The following ECT2 variants were observed in gnomAD, a reference collection of about 807,000 sequenced individuals.
ECT2 encodes epithelial cell transforming 2, also known as protein ECT2.
Under a neutral mutation model 116.9 loss-of-function variants are expected in ECT2, and 61 were observed. That is an observed-to-expected ratio of 0.52 (90% CI 0.42 to 0.65). ECT2 has a LOEUF of 0.65. Ranked by LOEUF, ECT2 falls within the 30% of genes least tolerant of loss-of-function variation. The probability of loss-of-function intolerance (pLI) is 0.00; values close to 1 mark genes in which losing one functional copy is unlikely to be tolerated. For synonymous variants in ECT2, 358 were observed against 346.4 expected (o/e 1.03, Z -0.37); for missense variants, 937 against 1,078.7 (o/e 0.87, Z 1.84).
intron 7 of ECT2, among the ~76,000 whole-genome samples, chr3:172,760,743 C>G (rs1256925191): frequency 1.0e-5 from 1 of 96,770 alleles, no homozygotes; most frequent in Non-Finnish European, 1.9e-5. Flanking sequence ...TTTTTTGAGA[C>G]TGAGTCTCTC....
At chr3:172,771,033 C>T (rs769750787) in intron 13 of ECT2, among the ~76,000 whole-genome samples, 1 of 152,032 alleles carries the variant, frequency 6.6e-6, no homozygotes, top group Non-Finnish European at 1.5e-5. Flanking sequence ...AGGTAATGAT[C>T]GAAGTGAACT....
At chr3:172,827,182 A>C in the ECT2 span, among the ~76,000 whole-genome samples, 2 of 152,316 alleles carry the variant, frequency 1.3e-5, no homozygotes, top group Middle Eastern at 3.4e-3. Flanking sequence ...TATATTGTTG[A>C]TGGGAATGTG....
intron 22 of ECT2, among the ~76,000 whole-genome samples, chr3:172,811,802 T>C (rs1382958746): frequency 6.6e-6 from 1 of 152,176 alleles, no homozygotes; most frequent in Non-Finnish European, 1.5e-5. Context: ...TGATTTTTAC[T>C]GTCTATTAAA....
intron 18 of ECT2, among the ~76,000 whole-genome samples, chr3:172,788,393 T>C (rs999207621): frequency 6.6e-6 from 1 of 152,214 alleles, no homozygotes; most frequent in Non-Finnish European, 1.5e-5. Flanking sequence ...ACTACACATA[T>C]TTAAAATATA....
chr3:172,815,689 C>T lies in ECT2; in HGVS notation c.2486C>T (p.Ala829Val). The T allele has an allele frequency of 6.3e-7, 1 of 1,598,066 alleles. No individual in the cohort carries two copies. The highest frequency in any genetic ancestry group is 1.7e-5 in the Admixed American group (1 of 57,280). The change falls in exon 23 of 25, where the codon GCA (alanine) becomes GTA (valine). Residue 829 changes from alanine (A) to valine (V), a missense_variant. Ala to Val is a moderately conservative substitution (Grantham distance 64). Transcript: ENST00000392692. Reference protein sequence around the residue: ...MDSTLSRASRAIKKTSKKVTR... With the variant: ...MDSTLSRASRVIKKTSKKVTR... ...AGTACATTGAGTAGAGCATCAAGAG[C>T]AATAAAAAAGACTTCAAAAAAGGTG...
intron 1 of ECT2, among the ~76,000 whole-genome samples, chr3:172,752,751 C>T (rs1716147730): frequency 1.3e-5 from 2 of 152,114 alleles, no homozygotes; most frequent in African/African-American, 4.8e-5. Context: ...GTTTGTTGTT[C>T]ACTTTAAGAC....
At chr3:172,805,945 G>T in intron 21 of ECT2, 76 bp downstream of exon 21, 1 of 1,500,742 alleles carries the variant, frequency 6.7e-7, no homozygotes, top group South Asian at 1.3e-5. Context: ...CTCCATTTTG[G>T]CTTTTTTAAA....
chr3:172,754,622 A>G lies in ECT2; in HGVS notation c.92A>G (p.Lys31Arg), dbSNP rs1399492276. The G allele has an allele frequency of 1.9e-6, 3 of 1,611,934 alleles. No individual in the cohort carries two copies. The highest frequency in any genetic ancestry group is 2.2e-5 in the East Asian group (1 of 44,762). The change falls in exon 2 of 25, where the codon AAG becomes AGG. Residue 31 changes from lysine to arginine, a missense_variant. By Grantham distance (26) the Lys-to-Arg change is conservative. Transcript: ENST00000392692. Reference protein sequence around the residue: ...IFDSKVTEISKENLLIGSTSY... With the variant: ...IFDSKVTEISRENLLIGSTSY... Reference sequence around the variant, plus strand: ...GATTCTAAAGTTACTGAGATTTCCAAGGAAAACTTACTTATTGGATCTACT... The same window carrying G: ...GATTCTAAAGTTACTGAGATTTCCAGGGAAAACTTACTTATTGGATCTACT...
At chr3:172,753,288 G>A (rs1419559433) in intron 1 of ECT2, among the ~76,000 whole-genome samples, 2 of 152,126 alleles carry the variant, frequency 1.3e-5, no homozygotes, top group African/African-American at 2.4e-5. Flanking sequence ...TGTAGAGATG[G>A]GGTCTTGCTA....
rs775825627 is a variant in ECT2 at position 172,802,946 on chromosome 3, A to G, written c.2072A>G (p.Gln691Arg). Residue 691 changes from glutamine (Q) to arginine (R), a missense_variant, in exon 20 of 25, where the codon CAA becomes CGA. Physicochemically the swap from Gln to Arg is conservative, Grantham distance 43 (BLOSUM62 1). Transcript: ENST00000392692. ...GAGCACCCCTGTGACAGAGGAGAAC[A>G]AGTAACTCTCTTCCTCTTCAATGAT... ...LGEHPCDRGE[Q>R]VTLFLFNDCL... is the part of the protein sequence containing the mutation. The G allele has an allele frequency of 1.9e-6, 3 of 1,613,014 alleles. No homozygotes were observed. The highest frequency in any genetic ancestry group is 2.5e-6 in the Non-Finnish European group (3 of 1,179,448).
intron 5 of ECT2, among the ~76,000 whole-genome samples, chr3:172,758,037 T>G (rs189332738): frequency 7.4e-4 from 112 of 152,220 alleles, no homozygotes; most frequent in Admixed American, 1.9e-3. Context: ...TTTTTCTATT[T>G]TTAGTAGAGA....
At chr3:172,758,068 C>T (rs552489286) in intron 5 of ECT2, among the ~76,000 whole-genome samples, 55 of 152,224 alleles carry the variant, frequency 3.6e-4, no homozygotes, top group Admixed American at 1.0e-3. Context: ...CCATGTTGGC[C>T]AGGCTGGTCT....
intron 1 of ECT2, among the ~76,000 whole-genome samples, chr3:172,751,427 G>A (rs1025806343): frequency 6.6e-6 from 1 of 152,196 alleles, no homozygotes; most frequent in Admixed American, 6.5e-5. Flanking sequence ...TGACTTAGGG[G>A]AAGTTGCTTA....
chr3:172,827,280 A>G, the ECT2 span, among the ~76,000 whole-genome samples: 1 of 152,232 alleles, frequency 6.6e-6, no homozygotes, highest in Non-Finnish European at 1.5e-5. Flanking sequence ...ACTGCTGGGT[A>G]TATATTTAAA....
chr3:172,768,429 A>T (rs1719948823), intron 12 of ECT2, among the ~76,000 whole-genome samples: 1 of 152,188 alleles, frequency 6.6e-6, no homozygotes, highest in South Asian at 2.1e-4. Context: ...TGTATTTTTA[A>T]TATCTATACT....
At chr3:172,785,709 A>AT (rs1723491670) in intron 17 of ECT2, among the ~76,000 whole-genome samples, 1 of 152,080 alleles carries the variant, frequency 6.6e-6, no homozygotes, top group Non-Finnish European at 1.5e-5. Context: ...AAATCTGACA[A>AT]TTTTTTTGTT....
chr3:172,750,748 A>C lies in ECT2; in HGVS notation c.-132A>C, dbSNP rs961313075. On this transcript the variant is annotated 5_prime_UTR_variant, in exon 1 of 25. Transcript: ENST00000392692. ...GCCAATCGGCATGGCTCTTAGAGAG[A>C]GCAGCTTAGTTTTTGAATCGGTTGT... The C allele has an allele frequency of 6.5e-6, 1 of 152,690 alleles. No individual in the cohort carries two copies. Among genetic ancestry groups the C allele is most frequent in the South Asian group, 2.1e-4 (1 of 4,840 alleles). 9.5% of individuals were successfully genotyped at this position (152,690 alleles called of 1,614,324 possible).
rs779027185 is a variant in ECT2 at position 172,783,826 on chromosome 3, C to T, written c.1645C>T (p.Pro549Ser). Residue 549 changes from proline (P) to serine (S), a missense_variant, in exon 16 of 25, where the codon CCC becomes TCC. Coordinates refer to ENST00000392692, the MANE Select transcript of ECT2 (RefSeq NM_001258315.2). ...AAAAGATTTGGTAAAAACCTACCCT[C>T]CCTTTGTAAACTTCTTTGAAATGAG... is the stretch of plus-strand genomic sequence containing the variant. ...YSKDLVKTYP[P>S]FVNFFEMSKE... 2 of 1,604,362 alleles carry T rather than the reference C, an allele frequency of 1.2e-6. No individual in the cohort carries two copies. The highest frequency in any genetic ancestry group is 8.5e-7 in the Non-Finnish European group (1 of 1,175,792).
chr3:172,755,306 C>T lies in ECT2; in HGVS notation c.142C>T (p.Gln48Ter). 1 of 1,600,806 alleles carries T rather than the reference C, an allele frequency of 6.2e-7. No homozygotes were observed. Among genetic ancestry groups the T allele is most frequent in the Non-Finnish European group, 8.5e-7 (1 of 1,176,798 alleles). ...TTACATTTTAACAGAAGAGATGCCT[C>T]AGATTGAAACAAGAGTGATATTGGT... ...STSYVEEEMP[Q>*]IETRVILVQE... The change falls in exon 3 of 25, where the codon CAG (glutamine) becomes TAG (stop). Residue 48 changes from glutamine (Q) to a stop codon, truncating the protein, a stop_gained. Transcript: ENST00000392692. LOFTEE classifies it high-confidence loss of function.
Sources: allele counts gnomAD v4.1 joint callset (sites outside exome capture counted in the v4.1 genomes callset), GRCh38; gene constraint gnomAD v4.1.1; transcripts MANE v1.5; gene names NCBI Gene and HGNC (gene_info 2026-07-23, HGNC 2026-07-21).